The following WWOX variants were observed in gnomAD, a reference collection of about 807,000 sequenced individuals.
WWOX encodes WW domain containing oxidoreductase.
In WWOX, 69 loss-of-function variants were observed where a neutral mutation model predicts 46.2. The ratio of observed to expected loss-of-function variants is 1.49; its 90% CI spans 1.23 to 1.82. WWOX has a LOEUF of 1.82. Ranked by LOEUF, WWOX falls within the 40% of genes most tolerant of loss-of-function variation. The pLI is 0.00. For synonymous variants in WWOX, 359 were observed against 202.6 expected (o/e 1.77, Z -6.56); for missense variants, 919 against 542.6 (o/e 1.69, Z -6.89).
chr16:78,534,722 TTA>T (rs67588382), intron 8 of WWOX, among the ~76,000 whole-genome samples: 2,039 of 152,182 alleles, frequency 0.013, 17 homozygotes, highest in African/African-American at 0.026. Flanking sequence ...TTATTTCATT[TTA>T]TTTTTTTTGA....
chr16:78,704,847 G>C (rs563191320), intron 8 of WWOX, among the ~76,000 whole-genome samples: 1 of 151,876 alleles, frequency 6.6e-6, no homozygotes, highest in Non-Finnish European at 1.5e-5. Flanking sequence ...TTGACATTAC[G>C]TGGCTTCTTT....
At chr16:78,402,613 GTAT>G (rs1216198254) in intron 6 of WWOX, among the ~76,000 whole-genome samples, 3 of 152,080 alleles carry the variant, frequency 2.0e-5, no homozygotes, top group Admixed American at 6.6e-5. Context: ...GACGTGCCTG[GTAT>G]TGGTACAATC....
intron 8 of WWOX, among the ~76,000 whole-genome samples, chr16:78,777,480 G>A (rs138109505): frequency 3.3e-5 from 5 of 152,146 alleles, no homozygotes; most frequent in African/African-American, 1.2e-4. Flanking sequence ...AGTAGACATT[G>A]CAAATACAGA....
At chr16:78,759,106 G>A (rs937680381) in intron 8 of WWOX, among the ~76,000 whole-genome samples, 34 of 152,084 alleles carry the variant, frequency 2.2e-4, no homozygotes, top group African/African-American at 7.5e-4. Context: ...GTATATGGGT[G>A]CCAGTTAGGG....
chr16:78,664,648 T>C (rs1347096059), intron 8 of WWOX, among the ~76,000 whole-genome samples: 1 of 152,132 alleles, frequency 6.6e-6, no homozygotes, highest in African/African-American at 2.4e-5. Context: ...GGTGTATCCG[T>C]ATCAGTGTGT....
At chr16:78,529,049 G>A (rs752255341) in intron 8 of WWOX, among the ~76,000 whole-genome samples, 1 of 150,264 alleles carries the variant, frequency 6.7e-6, no homozygotes, top group Non-Finnish European at 1.5e-5. Context: ...GACCTCTCTG[G>A]CTCCAGTGAT....
chr16:79,059,329 A>C (rs1225086137), intron 8 of WWOX, among the ~76,000 whole-genome samples: 2 of 152,232 alleles, frequency 1.3e-5, no homozygotes, highest in African/African-American at 4.8e-5. Context: ...AAGTGAGCAC[A>C]TTAACTATAT....
chr16:78,932,519 G>T (rs1429986912), intron 8 of WWOX, among the ~76,000 whole-genome samples: 1 of 152,206 alleles, frequency 6.6e-6, no homozygotes, highest in Non-Finnish European at 1.5e-5. Flanking sequence ...AAACCTTGAA[G>T]TGGGCCCTGC....
At chr16:78,881,085 G>C (rs2044334209) in intron 8 of WWOX, among the ~76,000 whole-genome samples, 1 of 149,182 alleles carries the variant, frequency 6.7e-6, no homozygotes, top group African/African-American at 2.5e-5. Context: ...TTTGCCTCCT[G>C]GGCGCAAGTG....
intron 1 of WWOX, among the ~76,000 whole-genome samples, chr16:78,101,988 C>T (rs2031825617): frequency 6.6e-6 from 1 of 152,074 alleles, no homozygotes; most frequent in Non-Finnish European, 1.5e-5. Flanking sequence ...AATATGGTGG[C>T]ACCCTCACAG....
intron 8 of WWOX, among the ~76,000 whole-genome samples, chr16:79,183,032 G>A (rs2050943420): frequency 6.6e-6 from 1 of 152,192 alleles, no homozygotes; most frequent in Non-Finnish European, 1.5e-5. Flanking sequence ...ATTTCAGGAG[G>A]GGTCACCCCT....
intron 8 of WWOX, among the ~76,000 whole-genome samples, chr16:78,933,939 C>G (rs1045388376): frequency 1.5e-4 from 23 of 152,058 alleles, no homozygotes; most frequent in African/African-American, 5.1e-4. Context: ...CACCTGTAAT[C>G]CCAGTGCTTT....
intron 8 of WWOX, among the ~76,000 whole-genome samples, chr16:78,818,844 T>C (rs887355438): frequency 6.6e-6 from 1 of 152,194 alleles, no homozygotes; most frequent in Admixed American, 6.5e-5. Flanking sequence ...AGTGAGAATA[T>C]TGGCAGAAAT....
At chr16:78,433,268 TTTC>T (rs1339963387) in intron 8 of WWOX, among the ~76,000 whole-genome samples, 2 of 152,166 alleles carry the variant, frequency 1.3e-5, no homozygotes, top group African/African-American at 4.8e-5. Flanking sequence ...AGGAGTGTGT[TTTC>T]TTCTTTACTT....
chr16:79,065,345 G>C (rs964636728), intron 8 of WWOX, among the ~76,000 whole-genome samples: 1 of 152,134 alleles, frequency 6.6e-6, no homozygotes, highest in Non-Finnish European at 1.5e-5. Flanking sequence ...CAGCCTCCCC[G>C]AAAATTTGGA....
chr16:78,438,232 T>C (rs1426247561), intron 8 of WWOX, among the ~76,000 whole-genome samples: 1 of 152,190 alleles, frequency 6.6e-6, no homozygotes, highest in African/African-American at 2.4e-5. Flanking sequence ...CTTAGAATTA[T>C]TATCTTTATT....
chr16:78,831,086 T>C (rs972330070), intron 8 of WWOX, among the ~76,000 whole-genome samples: 1 of 152,162 alleles, frequency 6.6e-6, no homozygotes, highest in African/African-American at 2.4e-5. Context: ...GGGACTGCGT[T>C]CCTAGCCCTC....
chr16:79,092,000 C>A (rs142126364), intron 8 of WWOX, among the ~76,000 whole-genome samples: 1 of 151,980 alleles, frequency 6.6e-6, no homozygotes, highest in African/African-American at 2.4e-5. Flanking sequence ...AAGATGGTCT[C>A]GATCTCTTGA....
chr16:78,526,101 G>A (rs1003256887), intron 8 of WWOX: 5 of 152,206 alleles, frequency 3.3e-5, no homozygotes, highest in African/African-American at 1.2e-4. Context: ...CTGGTCATCA[G>A]TGAACAGATT....
Sources: gnomAD v4.1 joint callset for allele counts (sites outside exome capture counted in the v4.1 genomes callset) on GRCh38, gnomAD v4.1.1 for gene constraint, MANE v1.5 for transcripts, NCBI Gene and HGNC (gene_info 2026-07-23, HGNC 2026-07-21) for gene names.